Variants in TEX11 observed in about 807,000 individuals in gnomAD.
The protein encoded by TEX11 is testis-expressed protein 11.
TEX11 carries 7 observed loss-of-function variants against 84.4 expected under a neutral mutation model. That is an observed-to-expected ratio of 0.08 (90% confidence interval 0.05 to 0.16). TEX11 has a LOEUF of 0.16. Among genes scored for constraint, TEX11 ranks in the 10% least tolerant of loss-of-function variants. The pLI is 1.00. For missense variants in TEX11, 551 were observed against 660.5 expected (o/e 0.83, Z 1.82); for synonymous variants, 264 against 222.8 (o/e 1.18, Z -1.64).
chrX:70,763,370 A>G (rs1222201505), intron 9 of TEX11, among the ~76,000 whole-genome samples: 1 of 111,326 alleles, frequency 9.0e-6, no homozygotes, highest in African/African-American at 3.3e-5. Context: ...GTATCTTCTC[A>G]CTTATAAGTG....
At chrX:70,863,102 G>C (rs1207096383) in intron 4 of TEX11, among the ~76,000 whole-genome samples, 2 of 110,892 alleles carry the variant, frequency 1.8e-5, no homozygotes, top group East Asian at 2.9e-4. Flanking sequence ...GAGAGCACCT[G>C]GGGGAAGGGG....
intron 5 of TEX11, among the ~76,000 whole-genome samples, chrX:70,858,980 G>A (rs1055297164): frequency 1.3e-4 from 14 of 110,934 alleles, no homozygotes; most frequent in African/African-American, 4.6e-4. Flanking sequence ...AGGGGTTACA[G>A]TGAGCTGAGA....
chrX:70,570,457 G>C (rs111634472), intron 25 of TEX11, among the ~76,000 whole-genome samples: 12 of 112,083 alleles, frequency 1.1e-4, no homozygotes, highest in Non-Finnish European at 1.9e-4. Context: ...AGATGAACCC[G>C]GTACCTCAGA....
intron 7 of TEX11, among the ~76,000 whole-genome samples, chrX:70,841,125 C>T (rs139144613): frequency 6.3e-5 from 7 of 110,966 alleles, no homozygotes; most frequent in South Asian, 3.8e-4. Flanking sequence ...TTGCACCAAG[C>T]GGACCTAATA....
At chrX:70,848,278 G>A (rs1196383973) in intron 7 of TEX11, among the ~76,000 whole-genome samples, 1 of 112,175 alleles carries the variant, frequency 8.9e-6, no homozygotes, top group East Asian at 2.8e-4. Flanking sequence ...CACTCATTGT[G>A]CCCTTGCAAA....
rs779164258 is a variant in TEX11 at position 70,599,657 on chromosome X, C to T, written c.2067+5744G>A. Among the ~76,000 whole-genome samples, 3 of 98,843 alleles carry T rather than the reference C, an allele frequency of 3.0e-5. No homozygotes were observed. In the South Asian group the frequency reaches 1.7e-3, roughly 57 times the overall value. 85.8% of individuals were successfully genotyped at this position (98,843 alleles called of 115,157 possible). ...CTAGCATTAGGTATACCTCTCAATG[C>T]TATCCCTCCCCCTCCCCCCACCCCA... On this transcript the variant is annotated intron_variant, in intron 24 of 29. Coordinates refer to ENST00000374333, the MANE Select transcript of TEX11 (RefSeq NM_031276.3).
chrX:70,613,231 C>T (rs2147533176), intron 20 of TEX11, among the ~76,000 whole-genome samples: 1 of 111,643 alleles, frequency 9.0e-6, no homozygotes, highest in East Asian at 2.8e-4. Context: ...TCATAAGAAC[C>T]AAAAATCAGG....
At chrX:70,539,311 G>A (rs1373694280) in intron 28 of TEX11, among the ~76,000 whole-genome samples, 1 of 109,391 alleles carries the variant, frequency 9.1e-6, no homozygotes, top group East Asian at 2.9e-4. Context: ...TAGGATTACA[G>A]GCATGAGCCA....
At chrX:70,627,955 G>A (rs901073090) in intron 18 of TEX11, among the ~76,000 whole-genome samples, 3 of 111,617 alleles carry the variant, frequency 2.7e-5, no homozygotes, top group Non-Finnish European at 5.6e-5. Flanking sequence ...CATGGCTGGT[G>A]CAGTGGCTCA....
chrX:70,574,048 C>T (rs2088640721), intron 25 of TEX11, among the ~76,000 whole-genome samples: 1 of 111,890 alleles, frequency 8.9e-6, no homozygotes, highest in Non-Finnish European at 1.9e-5. Context: ...TTGCAATGAC[C>T]TACAAAAACT....
intron 13 of TEX11, among the ~76,000 whole-genome samples, chrX:70,693,010 C>T (rs1042066546): frequency 4.5e-5 from 5 of 111,002 alleles, no homozygotes; most frequent in Non-Finnish European, 9.4e-5. Flanking sequence ...TTTGGGAGGC[C>T]GAGGTGGATT....
At chrX:70,611,094 T>C (rs997308611) in intron 20 of TEX11, among the ~76,000 whole-genome samples, 1 of 111,631 alleles carries the variant, frequency 9.0e-6, no homozygotes, top group African/African-American at 3.3e-5. Context: ...ATTTTACAGA[T>C]GAAGAAAAGA....
At chrX:70,513,972 T>TA in the TEX11 span, among the ~76,000 whole-genome samples, 1 of 109,198 alleles carries the variant, frequency 9.2e-6, no homozygotes, top group Non-Finnish European at 1.9e-5. Flanking sequence ...AAATAGAACT[T>TA]ACAGCTTCAG....
Position 70,880,038 on chromosome X carries a change from C to T in TEX11, c.109G>A (p.Asp37Asn), listed in dbSNP as rs1326402590. 6.8e-6 allele frequency: 8 copies of T among 1,181,916 alleles called. No individual in the cohort carries two copies. The highest frequency in any genetic ancestry group is 1.8e-5 in the African/African-American group (1 of 56,655). Reference protein sequence around the residue: ...IPEAIDRLFSDIANINRESMA... With the variant: ...IPEAIDRLFSNIANINRESMA... Reference sequence around the variant, plus strand: ...GACTCCCTGTTGATATTTGCTATGTCGCTGAAGAGTCTATCAATTGCCTCT... The same window carrying T: ...GACTCCCTGTTGATATTTGCTATGTTGCTGAAGAGTCTATCAATTGCCTCT... Residue 37 changes from aspartate (D) to asparagine (N), a missense_variant, in exon 3 of 30, where the codon GAC (aspartate) becomes AAC (asparagine). By Grantham distance (23) the Asp-to-Asn change is conservative. Transcript: ENST00000374333.
intron 4 of TEX11, among the ~76,000 whole-genome samples, chrX:70,865,006 A>G (rs908617107): frequency 9.0e-6 from 1 of 111,207 alleles, no homozygotes; most frequent in Admixed American, 9.6e-5. Flanking sequence ...CAAAATAACC[A>G]GCTAGCATCA....
the TEX11 span, among the ~76,000 whole-genome samples, chrX:70,515,273 C>A: frequency 9.3e-6 from 1 of 107,473 alleles, no homozygotes; most frequent in Non-Finnish European, 1.9e-5. Context: ...CCTCCACCCC[C>A]CCCCACCCCA....
At chrX:70,864,186 C>G (rs888824657) in intron 4 of TEX11, among the ~76,000 whole-genome samples, 1 of 110,895 alleles carries the variant, frequency 9.0e-6, no homozygotes, top group Non-Finnish European at 1.9e-5. Flanking sequence ...GAGAACTTCC[C>G]CAACCTGGCA....
At chrX:70,593,272 CA>C (rs2088960766) in intron 24 of TEX11, among the ~76,000 whole-genome samples, 1 of 111,791 alleles carries the variant, frequency 8.9e-6, no homozygotes, top group African/African-American at 3.2e-5. Context: ...GCAGTCTTTG[CA>C]CAGGCAAAGA....
chrX:70,714,550 C>T (rs1306233879), intron 13 of TEX11, among the ~76,000 whole-genome samples: 5 of 111,606 alleles, frequency 4.5e-5, no homozygotes, highest in African/African-American at 6.5e-5. Context: ...TATGTAATGG[C>T]CTTCTTTGTC....
Sources: allele counts gnomAD v4.1 joint callset (sites outside exome capture counted in the v4.1 genomes callset), GRCh38; gene constraint gnomAD v4.1.1; transcripts MANE v1.5; gene names NCBI Gene and HGNC (gene_info 2026-07-23, HGNC 2026-07-21).